The following FYCO1 variants were observed in gnomAD, a reference collection of about 807,000 sequenced individuals.
FYCO1 encodes the protein FYVE and coiled-coil domain autophagy adaptor 1, also known as FYVE and coiled-coil domain-containing protein 1.
In FYCO1, 122 loss-of-function variants were observed where a neutral mutation model predicts 165.1. The observed-to-expected ratio is 0.74, with a 90% CI of 0.64 to 0.86. The LOEUF (loss-of-function observed/expected upper bound fraction) is 0.86. FYCO1 is among the 40% of genes least tolerant of loss of function. FYCO1 has a pLI of 0.00. For synonymous variants in FYCO1, 648 were observed against 742.5 expected (o/e 0.87, Z 2.07); for missense variants, 1,702 against 1,810.3 (o/e 0.94, Z 1.09).
chr3:45,960,618 G>C (rs1705649778), intron 11 of FYCO1, among the ~76,000 whole-genome samples: 1 of 152,190 alleles, frequency 6.6e-6, no homozygotes, highest in Non-Finnish European at 1.5e-5. Context: ...TAAGAAGGCA[G>C]AGTTTTTAAA....
chr3:45,965,804 C>T (rs62242789), intron 8 of FYCO1, among the ~76,000 whole-genome samples: 11,008 of 152,218 alleles, frequency 0.072, 593 homozygotes, highest in East Asian at 0.24. Context: ...CTCACATGCC[C>T]GGCGGGGCTG....
At position 45,921,549 on chromosome 3, in the gene FYCO1, G is replaced by A. The variant is rs2125785473; in HGVS notation, c.*216C>T. On this transcript the variant is annotated 3_prime_UTR_variant, in exon 18 of 18. Coordinates refer to ENST00000296137, the MANE Select transcript of FYCO1 (RefSeq NM_024513.4). Reference sequence around the variant, plus strand: ...ACAACAGCTGAGTCTCTACTTAATGGAAACATTGCCTGAGCCCTTCAACGC... The same window carrying A: ...ACAACAGCTGAGTCTCTACTTAATGAAAACATTGCCTGAGCCCTTCAACGC... The A allele has an allele frequency of 1.8e-6, 1 of 563,072 alleles. No individual in the cohort carries two copies. The highest frequency in any genetic ancestry group is 3.1e-5 in the East Asian group (1 of 32,000). The allele number at this position is 563,072 out of a possible 1,614,324, so 34.9% of individuals were successfully genotyped here. A position where few individuals can be genotyped will look rare whatever the true frequency, so the allele number is the denominator to read the frequency against.
intron 7 of FYCO1, 107 bp from the exon 8 acceptor site, chr3:45,968,810 C>G: frequency 1.5e-6 from 2 of 1,310,474 alleles, no homozygotes; most frequent in Non-Finnish European, 2.2e-6. Context: ...CAGGCATTAC[C>G]TGCCCTAAGG....
At position 45,966,696 on chromosome 3, in the gene FYCO1, C is replaced by T. The variant is rs746535824; in HGVS notation, c.2638G>A (p.Ala880Thr). ...TGTGCTTCCTCGGAGCTGCATTTGG[C>T]CTGGGACAGCTCCTCCTGCAGGGCC... Reference protein sequence around the residue: ...LRALQEELSQAKCSSEEAQLE... With the variant: ...LRALQEELSQTKCSSEEAQLE... Residue 880 changes from alanine (A) to threonine (T), a missense_variant, in exon 8 of 18, where the codon GCC (alanine) becomes ACC (threonine). By Grantham distance (58) the Ala-to-Thr change is moderately conservative. Coordinates refer to ENST00000296137, the MANE Select transcript of FYCO1 (RefSeq NM_024513.4). 1.2e-6 allele frequency: 2 copies of T among 1,613,624 alleles called. No individual in the cohort carries two copies. Among genetic ancestry groups the T allele is most frequent in the East Asian group, 2.2e-5 (1 of 44,870 alleles).
At chr3:45,972,367 TCAC>T (rs1229943503) in intron 6 of FYCO1, among the ~76,000 whole-genome samples, 2 of 152,238 alleles carry the variant, frequency 1.3e-5, no homozygotes, top group African/African-American at 4.8e-5. Context: ...ACTATCATAG[TCAC>T]CACTTTTCTC....
chr3:45,982,966 C>T (rs568363579), intron 2 of FYCO1, among the ~76,000 whole-genome samples: 1 of 152,182 alleles, frequency 6.6e-6, no homozygotes, highest in East Asian at 1.9e-4. Context: ...GGTAAACACT[C>T]GCAACCTGAT....
chr3:45,938,013 C>T (rs575736710), intron 14 of FYCO1, among the ~76,000 whole-genome samples: 1 of 152,286 alleles, frequency 6.6e-6, no homozygotes, highest in African/African-American at 2.4e-5. Context: ...TCATCCTTGT[C>T]CAAGGCGTAA....
intron 14 of FYCO1, among the ~76,000 whole-genome samples, chr3:45,950,715 A>C (rs537851566): frequency 1.3e-5 from 2 of 152,282 alleles, no homozygotes; most frequent in South Asian, 4.1e-4. Context: ...TGCCTGCCAA[A>C]GCTCACACAA....
At chr3:45,942,196 AG>A in intron 14 of FYCO1, among the ~76,000 whole-genome samples, 1 of 152,410 alleles carries the variant, frequency 6.6e-6, no homozygotes, top group South Asian at 2.1e-4. Context: ...AGAGCAGGGC[AG>A]GAAGCACTGG....
At position 45,964,960 on chromosome 3, in the gene FYCO1, GC is replaced by G; in HGVS notation, c.3150+72del. 8.5e-7 allele frequency: 1 copy of G among 1,179,856 alleles called. No homozygotes were observed. Among genetic ancestry groups the G allele is most frequent in the East Asian group, 2.4e-5 (1 of 41,450 alleles). The allele number at this position is 1,179,856 out of a possible 1,614,324, so 73.1% of individuals were successfully genotyped here. ...TTGGGAATCTGGAGGCATGCAGGGA[GC>G]CCTCTTAAATGGTCCAGTCAAAACC... is the stretch of plus-strand genomic sequence containing the variant. On this transcript the variant is annotated intron_variant, in intron 9 of 17. Coordinates refer to ENST00000296137, the MANE Select transcript of FYCO1 (RefSeq NM_024513.4). The surrounding 1 kb of genome is among the most constrained non-coding windows in gnomAD (Gnocchi z 4.1).
At position 45,981,716 on chromosome 3, in the gene FYCO1, C is replaced by A. The variant is rs368497396; in HGVS notation, c.56-40G>T. 85 of 1,363,120 alleles carry A rather than the reference C, an allele frequency of 6.2e-5. 1 individual carries two copies. The South Asian group carries it at 9.2e-4, about 15-fold the overall frequency. 84.4% of individuals were successfully genotyped at this position (1,363,120 alleles called of 1,614,324 possible). On this transcript the variant is annotated intron_variant, in intron 2 of 17. Transcript: ENST00000296137. Reference sequence around the variant, plus strand: ...ATAGGAACATGTAACCAGATAGTGACTAAACTCAGACAGAGAAGCAGAAAT... The same window carrying A: ...ATAGGAACATGTAACCAGATAGTGAATAAACTCAGACAGAGAAGCAGAAAT...
At chr3:45,959,241 A>G (rs569250286) in intron 12 of FYCO1, 152 bp downstream of exon 12, 140 of 832,942 alleles carry the variant, frequency 1.7e-4, no homozygotes, top group Non-Finnish European at 2.6e-4. Flanking sequence ...CACCTTCCTT[A>G]CCTGGTTCCC....
chr3:45,968,213 ATGGCTAG>A lies in FYCO1; in HGVS notation c.1114_1120del (p.Leu372TrpfsTer30). ...TGCCGTATCTGCCTTCTGCTGAGCC[ATGGCTAG>A]CCAGCCTGGGAAGCTGGCTAAATGC... On this transcript the variant is annotated frameshift_variant, in exon 8 of 18. Transcript: ENST00000296137. LOFTEE classifies it high-confidence loss of function. The A allele has an allele frequency of 6.2e-7, 1 of 1,613,886 alleles. No homozygotes were observed. Among genetic ancestry groups the A allele is most frequent in the Non-Finnish European group, 8.5e-7 (1 of 1,180,016 alleles).
chr3:45,947,877 C>A (rs56408061), intron 14 of FYCO1: 6 of 242,028 alleles, frequency 2.5e-5, no homozygotes, highest in Non-Finnish European at 5.2e-5. Context: ...GTAGGTGGCA[C>A]ACTGGGTGCC....
Position 45,918,026 on chromosome 3 carries a change from A to G in FYCO1, c.*3739T>C, listed in dbSNP as rs1172350593. On this transcript the variant is annotated 3_prime_UTR_variant, in exon 18 of 18. Transcript: ENST00000296137. ...CAAAAGTTTTCCACCCCCATTGAGCAGGTGGGGTGCTGGTATTTGATGTGC... is the reference window on the plus strand; with the variant it reads ...CAAAAGTTTTCCACCCCCATTGAGCGGGTGGGGTGCTGGTATTTGATGTGC... 6.6e-6 allele frequency: 1 copy of G among 152,668 alleles called. No individual in the cohort carries two copies. The allele number at this position is 152,668 out of a possible 1,614,324, so 9.5% of individuals were successfully genotyped here.
At chr3:45,923,809 A>G (rs1703198545) in intron 16 of FYCO1, 44 bp from the exon 17 acceptor site, 2 of 1,308,476 alleles carry the variant, frequency 1.5e-6, no homozygotes, top group African/African-American at 2.9e-5. Context: ...AGAGGCTGAG[A>G]GGGCCCTCGG....
chr3:45,926,012 C>T (rs1307057319), intron 16 of FYCO1, among the ~76,000 whole-genome samples: 1 of 152,142 alleles, frequency 6.6e-6, no homozygotes, highest in Non-Finnish European at 1.5e-5. Context: ...GTTTTCAAGA[C>T]ACTGGTTATC....
At chr3:45,992,502 T>A (rs1040517904) in intron 1 of FYCO1, among the ~76,000 whole-genome samples, 1 of 152,260 alleles carries the variant, frequency 6.6e-6, no homozygotes, top group African/African-American at 2.4e-5. Flanking sequence ...CTTTCCATTA[T>A]GTATTATGCA....
intron 16 of FYCO1, among the ~76,000 whole-genome samples, chr3:45,927,206 A>G (rs1331422772): frequency 6.6e-6 from 1 of 152,142 alleles, no homozygotes; most frequent in Admixed American, 6.5e-5. Context: ...AGTGTATCTT[A>G]TGTGTGGCCC....
Sources: gnomAD v4.1 joint callset for allele counts (sites outside exome capture counted in the v4.1 genomes callset) on GRCh38, gnomAD v4.1.1 for gene constraint, Gnocchi (gnomAD v3.1) non-coding constraint, MANE v1.5 for transcripts, NCBI Gene and HGNC (gene_info 2026-07-23, HGNC 2026-07-21) for gene names.